The following APIP variants were observed in gnomAD, a reference collection of about 807,000 sequenced individuals.
APIP encodes APAF1 interacting protein.
Under a neutral mutation model 32.0 loss-of-function variants are expected in APIP, and 32 were observed. The ratio of observed to expected loss-of-function variants is 1.00; its 90% CI spans 0.76 to 1.34. The LOEUF is 1.34. APIP is among the 40% of genes most tolerant of loss of function. The pLI is 0.00. For missense variants in APIP, 247 were observed against 298.6 expected (o/e 0.83, Z 1.27); for synonymous variants, 92 against 94.8 (o/e 0.97, Z 0.17).
chr11:34,887,262 T>A lies in APIP; in HGVS notation c.461+1031A>T, dbSNP rs72926559. On this transcript the variant is annotated intron_variant, in intron 5 of 6. Transcript: ENST00000395787. ...TCCAAACTCTTTTCAGAAAAACTGATTCTTCTGACCTATTTTTATTTCCTC... is the reference window on the plus strand; with the variant it reads ...TCCAAACTCTTTTCAGAAAAACTGAATCTTCTGACCTATTTTTATTTCCTC... Among the ~76,000 whole-genome samples, 178 of 152,302 alleles carry A rather than the reference T, an allele frequency of 1.2e-3. 1 individual carries two copies. Among genetic ancestry groups the A allele is most frequent in the Non-Finnish European group, 9.7e-4 (66 of 68,032 alleles).
At chr11:34,885,583 G>A (rs567069865) in intron 5 of APIP, among the ~76,000 whole-genome samples, 12 of 152,202 alleles carry the variant, frequency 7.9e-5, no homozygotes, top group African/African-American at 2.4e-4. Flanking sequence ...GGCAATTGTC[G>A]GGCAATTGTC....
intron 1 of APIP, among the ~76,000 whole-genome samples, chr11:34,902,089 C>T (rs1360533312): frequency 2.0e-5 from 3 of 152,294 alleles, no homozygotes; most frequent in South Asian, 4.1e-4. Context: ...AATCCCTATA[C>T]CCTGTTAACT....
At chr11:34,897,565 G>GTTT (rs61026220) in intron 1 of APIP, among the ~76,000 whole-genome samples, 55 of 148,188 alleles carry the variant, frequency 3.7e-4, no homozygotes, top group African/African-American at 1.1e-3. Flanking sequence ...GCTTAGTAAG[G>GTTT]TTTTTTTTTT....
rs770919303 is a variant in APIP, at chr11:34,895,084, G to A, written c.84C>T (p.Ile28=). Residue 28 remains isoleucine, a synonymous_variant, in exon 2 of 7, where the codon ATC becomes ATT. Transcript: ENST00000395787. ...GGTAAAACTGTTTGCAAAGTTCTGG[G>A]ATCAGGTATCTTGGATGCTCCTTGT... ...AQDKEHPRYL[I]PELCKQFYHL... is the part of the protein sequence containing the mutation. The A allele has an allele frequency of 6.2e-7, 1 of 1,614,044 alleles. No individual in the cohort carries two copies. Among genetic ancestry groups the A allele is most frequent in the South Asian group, 1.1e-5 (1 of 91,078 alleles).
Position 34,916,301 on chromosome 11 carries a change from C to T in APIP, c.-17G>A, listed in dbSNP as rs1853691874. The T allele has an allele frequency of 6.2e-7, 1 of 1,611,230 alleles. No individual in the cohort carries two copies. The highest frequency in any genetic ancestry group is 1.3e-5 in the African/African-American group (1 of 75,018). On this transcript the variant is annotated 5_prime_UTR_variant, in exon 1 of 7. Transcript: ENST00000395787. ...GCCAGACATGGCCCAGACCAGGGAC[C>T]CGCGCGGCCTCCAATCTCCGCACGG... is the stretch of plus-strand genomic sequence containing the variant.
At chr11:34,884,636 A>G (rs1460529232) in intron 5 of APIP, among the ~76,000 whole-genome samples, 8 of 152,104 alleles carry the variant, frequency 5.3e-5, no homozygotes, top group Non-Finnish European at 1.2e-4. Context: ...GAGGTGAGAG[A>G]ATGGCTTGAG....
chr11:34,894,880 A>C (rs1444688138), intron 2 of APIP, 130 bp downstream of exon 2: 2 of 777,102 alleles, frequency 2.6e-6, no homozygotes, highest in Middle Eastern at 2.8e-4. Flanking sequence ...CCACTTGTCC[A>C]TTTAGAAACT....
intron 2 of APIP, among the ~76,000 whole-genome samples, chr11:34,893,244 T>A (rs916328917): frequency 1.3e-5 from 2 of 152,196 alleles, no homozygotes; most frequent in Non-Finnish European, 2.9e-5. Context: ...CAAAAATATT[T>A]CATCTTGAGT....
chr11:34,913,292 T>C (rs1301826420), intron 1 of APIP, among the ~76,000 whole-genome samples: 1 of 152,230 alleles, frequency 6.6e-6, no homozygotes, highest in Non-Finnish European at 1.5e-5. Context: ...TTGTCCAGAA[T>C]TGGTTCCTTC....
chr11:34,892,776 C>T (rs1383870428), intron 2 of APIP, among the ~76,000 whole-genome samples: 1 of 152,110 alleles, frequency 6.6e-6, no homozygotes, highest in Non-Finnish European at 1.5e-5. Flanking sequence ...AGCTTATTGT[C>T]TGTATTATTC....
At chr11:34,889,993 TTTTC>T (rs1853159156) in intron 3 of APIP, among the ~76,000 whole-genome samples, 1 of 93,412 alleles carries the variant, frequency 1.1e-5, no homozygotes, top group Non-Finnish European at 2.8e-5. Context: ...ACAAAGCAGC[TTTTC>T]TTTTTTTTCT....
chr11:34,883,364 C>A lies in APIP; in HGVS notation c.602G>T (p.Gly201Val), dbSNP rs768975119. ...GGTTTTGGCCTTCTCCCATGTTTCCCCCCACACATATACTCCATGACGTCT... is the reference window on the plus strand; with the variant it reads ...GGTTTTGGCCTTCTCCCATGTTTCCACCCACACATATACTCCATGACGTCT... Reference protein sequence around the residue: ...LVRRHGVYVWGETWEKAKTMC... With the variant: ...LVRRHGVYVWVETWEKAKTMC... Residue 201 changes from glycine (G) to valine (V), a missense_variant, in exon 6 of 7, where the codon GGG becomes GTG. Physicochemically the swap from Gly to Val is moderately radical, Grantham distance 109. Transcript: ENST00000395787. 6.2e-7 allele frequency: 1 copy of A among 1,611,930 alleles called. No individual in the cohort carries two copies. Among genetic ancestry groups the A allele is most frequent in the Non-Finnish European group, 8.5e-7 (1 of 1,179,278 alleles).
intron 1 of APIP, among the ~76,000 whole-genome samples, chr11:34,895,951 A>G (rs1044643402): frequency 7.2e-5 from 11 of 152,250 alleles, no homozygotes; most frequent in African/African-American, 2.4e-4. Context: ...TCTTAAAAAT[A>G]AGTACAAATG....
intron 5 of APIP, 51 bp downstream of exon 5, chr11:34,888,242 G>A (rs1394828500): frequency 2.1e-6 from 3 of 1,455,118 alleles, no homozygotes; most frequent in Non-Finnish European, 2.8e-6. Context: ...ATTTATCAAA[G>A]AGAAGGAAGA....
intron 1 of APIP, among the ~76,000 whole-genome samples, chr11:34,913,924 T>G (rs1305194028): frequency 1.3e-5 from 2 of 152,182 alleles, no homozygotes; most frequent in Non-Finnish European, 2.9e-5. Context: ...TCTCTTTAGC[T>G]TCATCTCAAG....
intron 2 of APIP, among the ~76,000 whole-genome samples, chr11:34,891,063 A>G (rs1276347570): frequency 5.9e-5 from 9 of 152,148 alleles, no homozygotes; most frequent in Non-Finnish European, 1.0e-4. Flanking sequence ...AAATTACTGT[A>G]TTAACACTGG....
chr11:34,885,818 G>A (rs989116834), intron 5 of APIP, among the ~76,000 whole-genome samples: 3 of 152,038 alleles, frequency 2.0e-5, no homozygotes, highest in African/African-American at 4.8e-5. Context: ...AGTTGATCAC[G>A]ATCCCTTTGG....
chr11:34,892,362 G>A (rs1404099314), intron 2 of APIP, among the ~76,000 whole-genome samples: 2 of 152,132 alleles, frequency 1.3e-5, no homozygotes, highest in Admixed American at 1.3e-4. Flanking sequence ...ACTGTGGTAA[G>A]CAAGGGCCAA....
chr11:34,913,350 T>C (rs1326722063), intron 1 of APIP, among the ~76,000 whole-genome samples: 3 of 152,230 alleles, frequency 2.0e-5, no homozygotes, highest in Non-Finnish European at 4.4e-5. Flanking sequence ...CCGCGGACCC[T>C]TGCGGTGAGT....
Sources: allele counts gnomAD v4.1 joint callset (sites outside exome capture counted in the v4.1 genomes callset), GRCh38; gene constraint gnomAD v4.1.1; transcripts MANE v1.5; gene names NCBI Gene and HGNC (gene_info 2026-07-23, HGNC 2026-07-21).